Variants in SCAMP4 observed in about 807,000 individuals in gnomAD.
SCAMP4 encodes the protein secretory carrier membrane protein 4, also known as secretory carrier-associated membrane protein 4.
A neutral mutation model predicts 32.1 loss-of-function variants in SCAMP4; 19 were observed. The observed-to-expected ratio is 0.59, with a 90% CI of 0.41 to 0.87. The LOEUF is 0.87. Ranked by LOEUF, SCAMP4 falls within the 40% of genes least tolerant of loss-of-function variation. The probability of loss-of-function intolerance (pLI) is 0.00; values close to 1 mark genes in which losing one functional copy is unlikely to be tolerated. For missense variants in SCAMP4, 302 were observed against 309.0 expected, an observed-to-expected ratio of 0.98 and a Z score of 0.17; for synonymous variants, 152 against 132.7, an observed-to-expected ratio of 1.15 and a Z score of -1.00.
chr19:1,925,254 C>G lies in SCAMP4; in HGVS notation c.*970C>G, dbSNP rs559588978. On this transcript the variant is annotated 3_prime_UTR_variant, in exon 7 of 7. Transcript: ENST00000316097. ...CTGGGATTACAGTTGCCTGCCACCA[C>G]GCCCAGCTAATTTTTATATTTTTAG... 1 of 152,124 alleles carries G rather than the reference C, an allele frequency of 6.6e-6. No homozygotes were observed. Among genetic ancestry groups the G allele is most frequent in the African/African-American group, 2.4e-5 (1 of 41,394 alleles). The allele number at this position is 152,124 out of a possible 1,614,324, so 9.4% of individuals were successfully genotyped here. A position where few individuals can be genotyped will look rare whatever the true frequency, so the allele number is the denominator to read the frequency against.
In SCAMP4 at chr19:1,905,633, TGCGCGCGCGC is replaced by T. The variant is rs201231677; in HGVS notation, c.-42+200_-42+209del. The T allele has an allele frequency of 2.3e-3, 364 of 159,290 alleles. 96 individuals are homozygous for T. The South Asian group carries it at 0.034, about 15-fold the overall frequency. The allele number at this position is 159,290 out of a possible 1,614,324, so 9.9% of individuals were successfully genotyped here. A position where few individuals can be genotyped will look rare whatever the true frequency, so the allele number is the denominator to read the frequency against. ...CGCGGGGAGGCGGCGCGAATGCGCGTGCGCGCGCGCGCGCGGCGCTGGCCTGGGGGAAGCC... is the reference window on the plus strand; with the variant it reads ...CGCGGGGAGGCGGCGCGAATGCGCGTGCGCGGCGCTGGCCTGGGGGAAGCC... On this transcript the variant is annotated intron_variant, in intron 1 of 6. Coordinates refer to ENST00000316097, the MANE Select transcript of SCAMP4 (RefSeq NM_079834.4).
Position 1,915,098 on chromosome 19 carries a change from C to T in SCAMP4, c.7+72C>T, listed in dbSNP as rs2013686200. 6 of 1,584,598 alleles carry T rather than the reference C, an allele frequency of 3.8e-6. No individual in the cohort carries two copies. In the East Asian group the frequency reaches 8.9e-5, roughly 24 times the overall value. ...AGATGCCAGCAGTTCCCACAGGAGC[C>T]CTCGGTCCTGGCCGTTGGCAAACAG... On this transcript the variant is annotated intron_variant, in intron 2 of 6. Coordinates refer to ENST00000316097, the MANE Select transcript of SCAMP4 (RefSeq NM_079834.4).
chr19:1,912,175 A>C (rs1469154163), intron 1 of SCAMP4: 1 of 1,577,834 alleles, frequency 6.3e-7, no homozygotes, highest in South Asian at 1.2e-5. Context: ...GCGCCGTGGC[A>C]GGCCCTCCCT....
intron 5 of SCAMP4, chr19:1,921,753 GA>G (rs1158653850): frequency 1.0e-6 from 1 of 983,352 alleles, no homozygotes; most frequent in East Asian, 1.1e-4. Context: ...CAAAGCAGGA[GA>G]ATCACTGCTT....
At chr19:1,910,729 A>ACCAT (rs1217801537) in intron 1 of SCAMP4, among the ~76,000 whole-genome samples, 1 of 150,428 alleles carries the variant, frequency 6.6e-6, no homozygotes, top group Non-Finnish European at 1.5e-5. Flanking sequence ...GGTGCGTGGC[A>ACCAT]CCATGCCCAG....
In SCAMP4 at chr19:1,924,402, G is replaced by T. The variant is rs1382869872; in HGVS notation, c.*118G>T. On this transcript the variant is annotated 3_prime_UTR_variant, in exon 7 of 7. Transcript: ENST00000316097. ...CATCCCCCCAGCTGGGATGGTGGAA[G>T]CCGGTGGTGGCCACGGACCGCCCCC... is the stretch of plus-strand genomic sequence containing the variant. The T allele has an allele frequency of 2.3e-6, 2 of 867,794 alleles. No individual in the cohort carries two copies. Among genetic ancestry groups the T allele is most frequent in the Admixed American group, 2.4e-5 (1 of 41,832 alleles). 53.8% of individuals were successfully genotyped at this position (867,794 alleles called of 1,614,324 possible).
chr19:1,913,444 C>T (rs73520872), intron 1 of SCAMP4: 604 of 528,514 alleles, frequency 1.1e-3, no homozygotes, highest in African/African-American at 0.011. Context: ...CAGCCCAAAA[C>T]CAAGTGGGTG....
intron 1 of SCAMP4, among the ~76,000 whole-genome samples, chr19:1,909,403 C>T (rs1390746973): frequency 6.6e-6 from 1 of 152,170 alleles, no homozygotes; most frequent in Non-Finnish European, 1.5e-5. Context: ...CTGGGGGCCC[C>T]ACCAGCCCTT....
rs575800642 is a variant in SCAMP4, at chr19:1,917,968, T to C, written c.136+146T>C. The C allele has an allele frequency of 1.2e-5, 16 of 1,362,276 alleles. No homozygotes were observed. In the East Asian group the frequency reaches 3.5e-4, roughly 30 times the overall value. The allele number at this position is 1,362,276 out of a possible 1,614,324, so 84.4% of individuals were successfully genotyped here. ...TGGTGGTCCCTGCGGTGAACGAGGC[T>C]GGTGTCCAGGCCCCAGTGTCTTGGC... On this transcript the variant is annotated intron_variant, in intron 3 of 6. Transcript: ENST00000316097.
chr19:1,922,595 C>T lies in SCAMP4; in HGVS notation c.396-475C>T, dbSNP rs191426283. 74 of 985,446 alleles carry T rather than the reference C, an allele frequency of 7.5e-5. No individual in the cohort carries two copies. In the East Asian group the frequency reaches 1.6e-3, roughly 21 times the overall value. 61.0% of individuals were successfully genotyped at this position (985,446 alleles called of 1,614,324 possible). On this transcript the variant is annotated intron_variant, in intron 5 of 6. Transcript: ENST00000316097. ...GGGTGATGGTGGCAGATTTTCCATC[C>T]GCATTGCTCCCGGACATGCGGATGT...
intron 1 of SCAMP4, chr19:1,912,548 C>G: frequency 2.0e-6 from 3 of 1,500,586 alleles, no homozygotes; most frequent in Non-Finnish European, 1.8e-6. Context: ...CGTCCTTCCA[C>G]GAGGACAAGC....
At position 1,918,293 on chromosome 19, in the gene SCAMP4, G is replaced by C; in HGVS notation, c.293+10G>C. The C allele has an allele frequency of 6.3e-7, 1 of 1,585,546 alleles. No individual in the cohort carries two copies. Among genetic ancestry groups the C allele is most frequent in the Non-Finnish European group, 8.6e-7 (1 of 1,169,206 alleles). On this transcript the variant is annotated intron_variant, in intron 4 of 6. Transcript: ENST00000316097. ...TCTACAAGGCCTTCCGGTGAGCAGA[G>C]CTGCCGGGGGCCGTCTGCACCCAGA...
chr19:1,918,425 G>A, intron 4 of SCAMP4, 142 bp downstream of exon 4: 1 of 1,034,918 alleles, frequency 9.7e-7, no homozygotes, highest in Non-Finnish European at 1.3e-6. Context: ...GGCAAACTGT[G>A]GCCCACAAGC....
intron 5 of SCAMP4, chr19:1,921,252 C>A: frequency 1.0e-6 from 1 of 985,358 alleles, no homozygotes; most frequent in South Asian, 4.7e-5. Flanking sequence ...GGCGACAGCC[C>A]CGCTCTCCCT....
chr19:1,912,267 C>G, intron 1 of SCAMP4: 1 of 1,593,340 alleles, frequency 6.3e-7, no homozygotes, highest in Non-Finnish European at 8.5e-7. Flanking sequence ...CCAGACCTCA[C>G]GCCTCCTGAA....
chr19:1,916,365 G>C (rs750492704), intron 2 of SCAMP4, among the ~76,000 whole-genome samples: 2 of 152,188 alleles, frequency 1.3e-5, no homozygotes, highest in South Asian at 2.1e-4. Flanking sequence ...AGGCAGGAAG[G>C]CTCCTTCCCC....
At chr19:1,905,804 A>C (rs939965882) in intron 1 of SCAMP4, 2 of 152,240 alleles carry the variant, frequency 1.3e-5, no homozygotes, top group African/African-American at 2.4e-5. Flanking sequence ...CTGCCTCTGA[A>C]CCGCGCTCTC....
At chr19:1,921,284 GTCA>G in intron 5 of SCAMP4, 1 of 985,406 alleles carries the variant, frequency 1.0e-6, no homozygotes, top group East Asian at 1.1e-4. Context: ...CTTCACCAGC[GTCA>G]CCTCCCCAGG....
intron 1 of SCAMP4, 200 bp downstream of exon 1, chr19:1,905,639 C>CGCGG (rs1349513325): frequency 6.3e-6 from 1 of 158,916 alleles, no homozygotes; most frequent in African/African-American, 2.4e-5. Context: ...CGCGTGCGCG[C>CGCGG]GCGCGCGCGG....
Sources: gnomAD v4.1 joint callset for allele counts (sites outside exome capture counted in the v4.1 genomes callset) on GRCh38, gnomAD v4.1.1 for gene constraint, MANE v1.5 for transcripts, NCBI Gene and HGNC (gene_info 2026-07-23, HGNC 2026-07-21) for gene names.